Variants in TCEANC2 observed in about 807,000 individuals in gnomAD.
TCEANC2 encodes transcription elongation factor A N-terminal and central domain containing 2, also known as transcription elongation factor A N-terminal and central domain-containing protein 2.
A neutral mutation model predicts 22.8 loss-of-function variants in TCEANC2; 20 were observed. That is an observed-to-expected ratio of 0.88 (90% CI 0.62 to 1.28). TCEANC2 has a LOEUF of 1.28. Ranked by LOEUF, TCEANC2 falls within the 50% of genes most tolerant of loss-of-function variation. The probability of loss-of-function intolerance (pLI) is 0.00; values close to 1 mark genes in which losing one functional copy is unlikely to be tolerated. For missense variants in TCEANC2, 251 were observed against 249.7 expected, an observed-to-expected ratio of 1.01 and a Z score of -0.03; for synonymous variants, 84 against 95.5, an observed-to-expected ratio of 0.88 and a Z score of 0.70.
Position 54,098,102 on chromosome 1 carries a change from CCAG to C in TCEANC2, c.*1630_*1632del. The C allele has an allele frequency of 6.6e-6, 1 of 152,184 alleles. No homozygotes were observed. The allele number at this position is 152,184 out of a possible 1,614,324, so 9.4% of individuals were successfully genotyped here. A position where few individuals can be genotyped will look rare whatever the true frequency, so the allele number is the denominator to read the frequency against. On this transcript the variant is annotated 3_prime_UTR_variant, in exon 5 of 5. Transcript: ENST00000234827. Reference sequence around the variant, plus strand: ...GCATCATTTACATGCTGATGACATTCCAGTTTGTATCGTCAGCCCAGACCTGTC... The same window carrying C: ...GCATCATTTACATGCTGATGACATTCTTTGTATCGTCAGCCCAGACCTGTC...
intron 2 of TCEANC2, among the ~76,000 whole-genome samples, chr1:54,057,439 C>T (rs1190373670): frequency 6.7e-6 from 1 of 149,518 alleles, no homozygotes. Flanking sequence ...TATCTGCCCT[C>T]CTTGGCCTCC....
In TCEANC2 at chr1:54,100,873, G is replaced by GA. The variant is rs995629102; in HGVS notation, c.*4401dup. 59 of 151,986 alleles carry GA rather than the reference G, an allele frequency of 3.9e-4. 1 individual carries two copies. The highest frequency in any genetic ancestry group is 1.4e-3 in the African/African-American group (57 of 41,462). The allele number at this position is 151,986 out of a possible 1,614,324, so 9.4% of individuals were successfully genotyped here. On this transcript the variant is annotated 3_prime_UTR_variant, in exon 5 of 5. Coordinates refer to ENST00000234827, the MANE Select transcript of TCEANC2 (RefSeq NM_153035.3). ...GATTTAAAAAACAAAAACAAAAACAGATATTTTAAGAAAATTTTAAACATT... is the reference window on the plus strand; with the variant it reads ...GATTTAAAAAACAAAAACAAAAACAGAATATTTTAAGAAAATTTTAAACATT...
Position 54,088,760 on chromosome 1 carries a change from G to T in TCEANC2, c.408G>T (p.Gln136His). 6.3e-7 allele frequency: 1 copy of T among 1,596,712 alleles called. No homozygotes were observed. The highest frequency in any genetic ancestry group is 8.5e-7 in the Non-Finnish European group (1 of 1,171,136). Residue 136 changes from glutamine to histidine, a missense_variant, in exon 4 of 5, where the codon CAG becomes CAT. By Grantham distance (24) the Gln-to-His change is conservative (BLOSUM62 0). Coordinates refer to ENST00000234827, the MANE Select transcript of TCEANC2 (RefSeq NM_153035.3). ...PKTESLRKNA[Q>H]KLLSEALELK... ...CCGAGTCGTTGAGGAAAAATGCTCAGAAATTACTCTCAGAAGCCTTGGAAT... is the reference window on the plus strand; with the variant it reads ...CCGAGTCGTTGAGGAAAAATGCTCATAAATTACTCTCAGAAGCCTTGGAAT...
intron 3 of TCEANC2, among the ~76,000 whole-genome samples, chr1:54,076,171 C>T (rs1658139216): frequency 6.6e-6 from 1 of 152,098 alleles, no homozygotes; most frequent in Non-Finnish European, 1.5e-5. Context: ...GTCATGAGGG[C>T]TTGTTGTACA....
At chr1:54,088,836 AT>A (rs750220838) in intron 4 of TCEANC2, 46 bp downstream of exon 4, 6 of 1,379,802 alleles carry the variant, frequency 4.3e-6, no homozygotes, top group Non-Finnish European at 5.8e-6. Context: ...ATAATAATTA[AT>A]TTTTAAAAGA....
chr1:54,108,372 G>C (rs1456022954), downstream of TCEANC2, among the ~76,000 whole-genome samples: 1 of 152,108 alleles, frequency 6.6e-6, no homozygotes, highest in Non-Finnish European at 1.5e-5. Context: ...TTGGAGATAG[G>C]GCCTTTACAA....
exon 5 of TCEANC2, chr1:54,112,512 T>TTC (rs954547763): frequency 6.6e-6 from 1 of 152,196 alleles, no homozygotes; most frequent in African/African-American, 2.4e-5. Context: ...AATAAAGGAA[T>TTC]TCTGCATATG....
At chr1:54,084,378 A>G (rs1319297625) in intron 3 of TCEANC2, among the ~76,000 whole-genome samples, 1 of 152,204 alleles carries the variant, frequency 6.6e-6, no homozygotes, top group African/African-American at 2.4e-5. Context: ...TTTAAAAAAC[A>G]GGACCCTTAA....
chr1:54,078,115 A>G lies in TCEANC2; in HGVS notation c.244+9218A>G, dbSNP rs75441261. 6.6e-3 allele frequency among the ~76,000 whole-genome samples: 999 copies of G among 152,302 alleles called. 8 individuals carry two copies. Among genetic ancestry groups the G allele is most frequent in the African/African-American group, 0.023 (948 of 41,550 alleles). On this transcript the variant is annotated intron_variant, in intron 3 of 4. Coordinates refer to ENST00000234827, the MANE Select transcript of TCEANC2 (RefSeq NM_153035.3). The stretch of plus-strand genomic sequence containing the variant: ...TTGTTTTCATGTGCTGCATAGAATG[A>G]ATTGTTTTCCATGCATTTTTTTGGC...
rs763250820 is a variant in TCEANC2 at position 54,104,540 on chromosome 1, AT to A, written c.*8076del. The A allele has an allele frequency of 9.5e-5, 42 of 443,036 alleles. No homozygotes were observed. The highest frequency in any genetic ancestry group is 4.2e-4 in the African/African-American group (21 of 49,466). 27.4% of individuals were successfully genotyped at this position (443,036 alleles called of 1,614,324 possible). On this transcript the variant is annotated 3_prime_UTR_variant, in exon 5 of 5. Coordinates refer to ENST00000234827, the MANE Select transcript of TCEANC2 (RefSeq NM_153035.3). ...AGACTTCTTGGTATTCCTTTGCCCA[AT>A]TTTTTTTTCTTTTTCTTTTTCAGAG...
rs143512838 is a variant in TCEANC2 at position 54,080,682 on chromosome 1, C to G, written c.245-7915C>G. ...TGGATTTTCCGGGTCTTGTCTTGCT[C>G]AACATTCTATCCCAATGCCTATGAG... On this transcript the variant is annotated intron_variant, in intron 3 of 4. Transcript: ENST00000234827. Among the ~76,000 whole-genome samples the G allele has an allele frequency of 2.4e-3, 371 of 152,346 alleles. 1 individual carries two copies. The highest frequency in any genetic ancestry group is 8.3e-3 in the African/African-American group (344 of 41,576).
chr1:54,054,184 C>T (rs1657692016), intron 1 of TCEANC2, 197 bp from the exon 2 acceptor site: 5 of 1,353,950 alleles, frequency 3.7e-6, no homozygotes, highest in Non-Finnish European at 4.9e-6. Flanking sequence ...TAACTCAGGA[C>T]GTAGACTGAT....
intron 3 of TCEANC2, among the ~76,000 whole-genome samples, chr1:54,084,723 A>C (rs192693240): frequency 6.6e-6 from 1 of 151,986 alleles, no homozygotes; most frequent in Admixed American, 6.5e-5. Context: ...TTAGCCAGGC[A>C]TGGTGGCCAC....
At chr1:54,083,726 G>C (rs1218759366) in intron 3 of TCEANC2, among the ~76,000 whole-genome samples, 1 of 152,132 alleles carries the variant, frequency 6.6e-6, no homozygotes, top group Non-Finnish European at 1.5e-5. Flanking sequence ...AGGCTGTTAG[G>C]TTTGTTGACA....
chr1:54,064,331 A>C (rs1202362817), intron 2 of TCEANC2, among the ~76,000 whole-genome samples: 58 of 152,220 alleles, frequency 3.8e-4, no homozygotes, highest in Admixed American at 3.8e-3. Context: ...TGCGTAAAGC[A>C]ACAAATGGAG....
rs998428483 is a variant in TCEANC2 at position 54,096,540 on chromosome 1, C to T, written c.*67C>T. The T allele has an allele frequency of 3.0e-4, 460 of 1,527,926 alleles. No homozygotes were observed. Among genetic ancestry groups the T allele is most frequent in the Non-Finnish European group, 3.8e-4 (431 of 1,131,240 alleles). The allele number at this position is 1,527,926 out of a possible 1,614,324, so 94.6% of individuals were successfully genotyped here. Reference sequence around the variant, plus strand: ...TGGGCCTGTCTCTGCCGTTCAAAGACGCTTTTGAGTTTGGGTGATGGCTGA... The same window carrying T: ...TGGGCCTGTCTCTGCCGTTCAAAGATGCTTTTGAGTTTGGGTGATGGCTGA... On this transcript the variant is annotated 3_prime_UTR_variant, in exon 5 of 5. Transcript: ENST00000234827. This position sits in a 1 kb window ranked among gnomAD's most constrained non-coding sequence, Gnocchi z 4.9.
At chr1:54,090,571 T>G (rs1365764891) in intron 4 of TCEANC2, among the ~76,000 whole-genome samples, 1 of 152,186 alleles carries the variant, frequency 6.6e-6, no homozygotes, top group Non-Finnish European at 1.5e-5. Flanking sequence ...CTTTATTTTT[T>G]CATGTTTATA....
chr1:54,083,747 G>C (rs1658287619), intron 3 of TCEANC2, among the ~76,000 whole-genome samples: 1 of 152,124 alleles, frequency 6.6e-6, no homozygotes, highest in South Asian at 2.1e-4. Flanking sequence ...TGTTGAGCCA[G>C]CCCACTAGAT....
chr1:54,089,468 A>G (rs1443154799), intron 4 of TCEANC2, among the ~76,000 whole-genome samples: 2 of 152,230 alleles, frequency 1.3e-5, no homozygotes, highest in Non-Finnish European at 2.9e-5. Flanking sequence ...TGAAGTATAC[A>G]TGCTGGAAGA....
Sources: gnomAD v4.1 joint callset for allele counts (sites outside exome capture counted in the v4.1 genomes callset) on GRCh38, gnomAD v4.1.1 for gene constraint, Gnocchi (gnomAD v3.1) non-coding constraint, MANE v1.5 for transcripts, NCBI Gene and HGNC (gene_info 2026-07-23, HGNC 2026-07-21) for gene names.